Variants in UBE3D observed in about 807,000 individuals in gnomAD.
UBE3D encodes ubiquitin protein ligase E3D, also known as E3 ubiquitin-protein ligase E3D.
In UBE3D, 48 loss-of-function variants were observed where a neutral mutation model predicts 49.6. The observed-to-expected ratio is 0.97, with a 90% CI of 0.77 to 1.23. UBE3D has a LOEUF of 1.23. Ranked by LOEUF, UBE3D falls within the 50% of genes most tolerant of loss-of-function variation. The probability of loss-of-function intolerance (pLI) is 0.00; values close to 1 mark genes in which losing one functional copy is unlikely to be tolerated. For synonymous variants in UBE3D, 189 were observed against 174.2 expected (o/e 1.08, Z -0.67); for missense variants, 452 against 468.4 (o/e 0.96, Z 0.32).
chr6:83,012,499 T>C (rs1476915391), intron 8 of UBE3D, among the ~76,000 whole-genome samples: 1 of 152,218 alleles, frequency 6.6e-6, no homozygotes, highest in Non-Finnish European at 1.5e-5. Flanking sequence ...ACTTTCTTCA[T>C]GGACCTATTG....
intron 9 of UBE3D, among the ~76,000 whole-genome samples, chr6:82,939,429 C>G (rs1774840809): frequency 6.6e-6 from 1 of 152,206 alleles, no homozygotes; most frequent in African/African-American, 2.4e-5. Context: ...GTCTGATCAA[C>G]AAGGGACCAC....
chr6:82,999,748 C>T (rs1779492653), intron 8 of UBE3D, among the ~76,000 whole-genome samples: 2 of 152,096 alleles, frequency 1.3e-5, no homozygotes, highest in African/African-American at 4.8e-5. Flanking sequence ...AAGTCAGCTT[C>T]CCATCCCCTT....
intron 6 of UBE3D, 128 bp downstream of exon 6, chr6:83,023,841 C>A: frequency 1.7e-6 from 1 of 598,656 alleles, no homozygotes; most frequent in Non-Finnish European, 2.8e-6. Context: ...TTCATGTAAG[C>A]AAACATCATC....
intron 3 of UBE3D, among the ~76,000 whole-genome samples, chr6:83,045,747 T>C (rs1304342941): frequency 1.3e-5 from 2 of 152,176 alleles, no homozygotes; most frequent in Non-Finnish European, 2.9e-5. Context: ...AAACTTACTA[T>C]TTTATGGTAC....
intron 9 of UBE3D, among the ~76,000 whole-genome samples, chr6:82,901,532 G>GC (rs1771736395): frequency 6.6e-6 from 1 of 152,202 alleles, no homozygotes; most frequent in Non-Finnish European, 1.5e-5. Context: ...TCTGATGCCT[G>GC]CTAGGTTTGA....
chr6:82,973,781 C>T lies in UBE3D; in HGVS notation c.1011-16331G>A, dbSNP rs184219081. On this transcript the variant is annotated intron_variant, in intron 8 of 9. Transcript: ENST00000369747. ...AATACTGGCCTGTGAGCCAAGCAGG[C>T]GAAGTTTCATCTGAATTTACAGCCA... 7.5e-4 allele frequency among the ~76,000 whole-genome samples: 114 copies of T among 152,246 alleles called. 1 individual carries two copies. Among genetic ancestry groups the T allele is most frequent in the African/African-American group, 1.3e-3 (54 of 41,558 alleles).
intron 8 of UBE3D, among the ~76,000 whole-genome samples, chr6:82,998,232 A>G (rs946543432): frequency 1.3e-5 from 2 of 152,224 alleles, no homozygotes; most frequent in African/African-American, 2.4e-5. Flanking sequence ...AGGTACATGC[A>G]CCTGGAAGGC....
chr6:83,004,555 C>T (rs890245301), intron 8 of UBE3D, among the ~76,000 whole-genome samples: 1 of 152,012 alleles, frequency 6.6e-6, no homozygotes, highest in Admixed American at 6.6e-5. Context: ...CCTTGTGACT[C>T]CTAAGTGGGA....
chr6:83,058,529 T>C (rs1032636257), intron 1 of UBE3D, among the ~76,000 whole-genome samples: 9 of 152,218 alleles, frequency 5.9e-5, no homozygotes, highest in Non-Finnish European at 1.3e-4. Context: ...ACACAGTCCC[T>C]GTCAAAAGCC....
chr6:82,937,135 A>T (rs1356358223), intron 9 of UBE3D, among the ~76,000 whole-genome samples: 1 of 152,158 alleles, frequency 6.6e-6, no homozygotes, highest in Non-Finnish European at 1.5e-5. Flanking sequence ...ATTTCCATTT[A>T]GACTAGAAAA....
Position 83,065,755 on chromosome 6 carries a change from G to A in UBE3D, c.-37C>T, listed in dbSNP as rs1582792212. ...AGTCCCAGACCGGACCAAGCTGGAG[G>A]TTCCGAGGGGCCCGGGTCAACAGGA... On this transcript the variant is annotated 5_prime_UTR_variant, in exon 1 of 10. Transcript: ENST00000369747. The A allele has an allele frequency of 1.9e-6, 3 of 1,582,716 alleles. No individual in the cohort carries two copies. Among genetic ancestry groups the A allele is most frequent in the East Asian group, 4.7e-5 (2 of 42,708 alleles).
intron 8 of UBE3D, among the ~76,000 whole-genome samples, chr6:82,998,165 G>C (rs969121365): frequency 3.9e-5 from 6 of 152,208 alleles, no homozygotes; most frequent in African/African-American, 1.4e-4. Flanking sequence ...GCAGCAGCTA[G>C]ACTTAACAGT....
intron 9 of UBE3D, among the ~76,000 whole-genome samples, chr6:82,893,753 G>A (rs984001629): frequency 2.0e-5 from 3 of 152,154 alleles, no homozygotes; most frequent in East Asian, 1.9e-4. Flanking sequence ...TGGGAAGCTC[G>A]TATTAGGCGT....
At chr6:83,026,221 C>T (rs547760712) in intron 5 of UBE3D, among the ~76,000 whole-genome samples, 5 of 152,110 alleles carry the variant, frequency 3.3e-5, no homozygotes, top group South Asian at 4.2e-4. Flanking sequence ...CAAGGCAGGA[C>T]GATCACTTCA....
At chr6:83,019,180 C>T in intron 7 of UBE3D, 44 bp from the exon 8 acceptor site, 1 of 1,550,364 alleles carries the variant, frequency 6.5e-7, no homozygotes, top group Non-Finnish European at 8.7e-7. Flanking sequence ...ATATTGTCAC[C>T]TTATCCATAT....
intron 8 of UBE3D, among the ~76,000 whole-genome samples, chr6:82,975,037 T>C (rs1582518560): frequency 1.3e-5 from 2 of 152,284 alleles, no homozygotes; most frequent in Middle Eastern, 6.8e-3. Context: ...AATACTTTTG[T>C]TTAAATTTTG....
intron 9 of UBE3D, among the ~76,000 whole-genome samples, chr6:82,918,753 A>T (rs1008503981): frequency 2.0e-5 from 3 of 151,654 alleles, no homozygotes; most frequent in African/African-American, 7.3e-5. Context: ...GGCCTCCTAG[A>T]TAGTATCAAG....
intron 7 of UBE3D, among the ~76,000 whole-genome samples, chr6:83,021,261 C>T (rs993342649): frequency 6.6e-6 from 1 of 152,054 alleles, no homozygotes; most frequent in Admixed American, 6.5e-5. Flanking sequence ...GGCAACATAG[C>T]AAGACCTCGT....
chr6:83,004,807 C>T (rs950659303), intron 8 of UBE3D, among the ~76,000 whole-genome samples: 2 of 152,066 alleles, frequency 1.3e-5, no homozygotes, highest in Non-Finnish European at 2.9e-5. Context: ...TTTTAATCAA[C>T]CAAAAAGACA....
Sources: gnomAD v4.1 joint callset for allele counts (sites outside exome capture counted in the v4.1 genomes callset) on GRCh38, gnomAD v4.1.1 for gene constraint, MANE v1.5 for transcripts, NCBI Gene and HGNC (gene_info 2026-07-23, HGNC 2026-07-21) for gene names.